The following PPP1R1C variants were observed in gnomAD, a reference collection of about 807,000 sequenced individuals.
The protein encoded by PPP1R1C is protein phosphatase 1 regulatory subunit 1C.
In PPP1R1C, 15 loss-of-function variants were observed where a neutral mutation model predicts 17.4. The ratio of observed to expected loss-of-function variants is 0.86; its 90% CI spans 0.58 to 1.33. PPP1R1C has a LOEUF of 1.33. Ranked by LOEUF, PPP1R1C falls within the 40% of genes most tolerant of loss-of-function variation. The pLI is 0.00. For synonymous variants in PPP1R1C, 35 were observed against 43.1 expected (o/e 0.81, Z 0.73); for missense variants, 143 against 130.0 (o/e 1.10, Z -0.48).
chr2:182,089,342 G>A (rs1446917988), intron 4 of PPP1R1C, among the ~76,000 whole-genome samples: 1 of 152,176 alleles, frequency 6.6e-6, no homozygotes, highest in Non-Finnish European at 1.5e-5. Context: ...AAGGGTAGTA[G>A]AAGGAAGAGA....
chr2:182,122,080 A>G (rs1166133476), downstream of PPP1R1C, among the ~76,000 whole-genome samples: 1 of 152,044 alleles, frequency 6.6e-6, no homozygotes, highest in Non-Finnish European at 1.5e-5. Context: ...GTTAGGGGTT[A>G]TTTTTCTATC....
intron 1 of PPP1R1C, among the ~76,000 whole-genome samples, chr2:181,959,186 T>C (rs550989076): frequency 6.6e-6 from 1 of 152,318 alleles, no homozygotes; most frequent in South Asian, 2.1e-4. Flanking sequence ...GCATAGCTTG[T>C]TTTTTAAACT....
chr2:182,107,608 A>G (rs146382159), intron 4 of PPP1R1C, among the ~76,000 whole-genome samples: 6 of 152,274 alleles, frequency 3.9e-5, no homozygotes, highest in Non-Finnish European at 7.4e-5. Flanking sequence ...TGATGGTCTT[A>G]TTTTGAACTC....
chr2:181,989,429 T>C (rs1341042444), intron 2 of PPP1R1C, among the ~76,000 whole-genome samples: 1 of 152,156 alleles, frequency 6.6e-6, no homozygotes, highest in Admixed American at 6.5e-5. Flanking sequence ...CAGAGACAAA[T>C]GCAGGTAATT....
Position 182,003,047 on chromosome 2 carries a change from T to C in PPP1R1C, c.142+15148T>C, listed in dbSNP as rs1408593904. The stretch of plus-strand genomic sequence containing the variant: ...AACCACAGGGAGTTTCCTTCAGCAG[T>C]GGAGGTTAACAACATTCTGCCAAAC... On this transcript the variant is annotated intron_variant, in intron 2 of 4. Coordinates refer to ENST00000682840, the MANE Select transcript of PPP1R1C (RefSeq NM_001080545.3). Among the ~76,000 whole-genome samples the C allele has an allele frequency of 2.0e-5, 3 of 151,000 alleles. No individual in the cohort carries two copies. The Admixed American group carries it at 2.0e-4, about 10-fold the overall frequency.
At chr2:181,977,972 C>T (rs1289847529) in intron 2 of PPP1R1C, among the ~76,000 whole-genome samples, 1 of 152,112 alleles carries the variant, frequency 6.6e-6, no homozygotes, top group African/African-American at 2.4e-5. Context: ...TAAAGACCTA[C>T]CTGAGACTGG....
At chr2:182,051,210 T>C (rs186905330) in intron 2 of PPP1R1C, among the ~76,000 whole-genome samples, 57 of 152,338 alleles carry the variant, frequency 3.7e-4, no homozygotes, top group African/African-American at 1.3e-3. Flanking sequence ...TTAGTGTTTT[T>C]TGTGCAAAAT....
chr2:182,033,994 G>A (rs547404169), intron 2 of PPP1R1C, among the ~76,000 whole-genome samples: 82 of 152,268 alleles, frequency 5.4e-4, no homozygotes, highest in African/African-American at 1.9e-3. Context: ...TTCAGGTTTA[G>A]AATCAAGAAG....
intron 2 of PPP1R1C, among the ~76,000 whole-genome samples, chr2:182,021,142 T>G (rs1051602326): frequency 6.6e-6 from 1 of 152,102 alleles, no homozygotes; most frequent in Admixed American, 6.6e-5. Flanking sequence ...GGAGTGTAAA[T>G]GAATCTTTGG....
rs111631639 is a variant in PPP1R1C at position 182,057,186 on chromosome 2, T to C, written c.143-4256T>C. On this transcript the variant is annotated intron_variant, in intron 2 of 4. Transcript: ENST00000682840. ...AGCTATGCTATTGTGCTCAGAGATGTGGAAAAATCAAACATAGAGGATAAT... is the reference window on the plus strand; with the variant it reads ...AGCTATGCTATTGTGCTCAGAGATGCGGAAAAATCAAACATAGAGGATAAT... 4.7e-4 allele frequency among the ~76,000 whole-genome samples: 71 copies of C among 152,284 alleles called. 3 individuals are homozygous for C. Among genetic ancestry groups the C allele is most frequent in the African/African-American group, 1.7e-3 (69 of 41,566 alleles).
rs1165789924 is a variant in PPP1R1C, at chr2:182,076,197, C to CTTTTTTTTT, written c.241+12439_241+12447dup. ...GATTTTGAACTTTTTTTTTTCTTTTCTTTTTTTTTTTTTTTTTTTTTTTTT... is the reference window on the plus strand; with the variant it reads ...GATTTTGAACTTTTTTTTTTCTTTTCTTTTTTTTTTTTTTTTTTTTTTTTTTTTTTTTTT... On this transcript the variant is annotated intron_variant, in intron 4 of 4. Transcript: ENST00000682840. Among the ~76,000 whole-genome samples, 44 of 25,860 alleles carry CTTTTTTTTT rather than the reference C, an allele frequency of 1.7e-3. 10 individuals carry two copies. The highest frequency in any genetic ancestry group is 3.8e-3 in the African/African-American group (18 of 4,688). 17.0% of individuals were successfully genotyped at this position (25,860 alleles called of 152,430 possible). A position where few individuals can be genotyped will look rare whatever the true frequency, so the allele number is the denominator to read the frequency against.
At chr2:182,014,185 G>T (rs749559342) in intron 2 of PPP1R1C, among the ~76,000 whole-genome samples, 1 of 152,088 alleles carries the variant, frequency 6.6e-6, no homozygotes, top group Admixed American at 6.5e-5. Flanking sequence ...TCTTGAGAAG[G>T]CTTTCCAAGT....
intron 4 of PPP1R1C, among the ~76,000 whole-genome samples, chr2:182,083,414 C>T (rs1688538195): frequency 6.6e-6 from 1 of 152,058 alleles, no homozygotes; most frequent in Non-Finnish European, 1.5e-5. Context: ...TCATCCTGCC[C>T]ATTTCTGAGT....
intron 2 of PPP1R1C, among the ~76,000 whole-genome samples, chr2:182,054,872 G>T (rs1005391534): frequency 6.6e-6 from 1 of 151,938 alleles, no homozygotes; most frequent in Non-Finnish European, 1.5e-5. Context: ...TGTTGGCTAG[G>T]CTGGTCTCGA....
chr2:182,106,390 G>A (rs1170620140), intron 4 of PPP1R1C, among the ~76,000 whole-genome samples: 1 of 152,214 alleles, frequency 6.6e-6, no homozygotes, highest in Non-Finnish European at 1.5e-5. Flanking sequence ...GCAAAAAAGT[G>A]CACAGACAAG....
chr2:181,982,878 T>C (rs1201314561), upstream of PPP1R1C, among the ~76,000 whole-genome samples: 5 of 152,208 alleles, frequency 3.3e-5, no homozygotes, highest in Admixed American at 2.6e-4. Flanking sequence ...GAAGAGAGAC[T>C]ATAGTTGTTG....
At chr2:181,966,440 A>G (rs1392416049) in intron 1 of PPP1R1C, among the ~76,000 whole-genome samples, 1 of 152,072 alleles carries the variant, frequency 6.6e-6, no homozygotes, top group Non-Finnish European at 1.5e-5. Flanking sequence ...AGCTGTGGGT[A>G]TGTCATATAT....
At position 181,962,509 on chromosome 2, in the gene PPP1R1C, A is replaced by G; in HGVS notation, n.111+7875A>G. 1.5e-6 allele frequency: 1 copy of G among 652,862 alleles called. No homozygotes were observed. Among genetic ancestry groups the G allele is most frequent in the Non-Finnish European group, 2.8e-6 (1 of 354,466 alleles). 40.4% of individuals were successfully genotyped at this position (652,862 alleles called of 1,614,324 possible). On this transcript the variant is annotated intron_variant and non_coding_transcript_variant, in intron 1 of 5. Coordinates refer to the PPP1R1C transcript ENST00000464264. The surrounding 1 kb of genome is among the most constrained non-coding windows in gnomAD (Gnocchi z 6.0). Reference sequence around the variant, plus strand: ...CCAGGGAGGAGAGTGAGAGGACAGGACTCAGGCTTTGCCGACCCGTCATAG... The same window carrying G: ...CCAGGGAGGAGAGTGAGAGGACAGGGCTCAGGCTTTGCCGACCCGTCATAG...
intron 4 of PPP1R1C, among the ~76,000 whole-genome samples, chr2:182,100,966 G>A (rs1479742774): frequency 6.6e-6 from 1 of 152,168 alleles, no homozygotes; most frequent in Non-Finnish European, 1.5e-5. Flanking sequence ...CATGAGAAGA[G>A]CGGTTCCTGA....
Sources: gnomAD v4.1 joint callset for allele counts (sites outside exome capture counted in the v4.1 genomes callset) on GRCh38, gnomAD v4.1.1 for gene constraint, Gnocchi (gnomAD v3.1) non-coding constraint, MANE v1.5 for transcripts, NCBI Gene and HGNC (gene_info 2026-07-23, HGNC 2026-07-21) for gene names.